The following SUCLG2 variants were observed in gnomAD, a reference collection of about 807,000 sequenced individuals.
SUCLG2 encodes succinate--CoA ligase [GDP-forming] subunit beta, mitochondrial.
A neutral mutation model predicts 47.9 loss-of-function variants in SUCLG2; 42 were observed. That is an observed-to-expected ratio of 0.88 (90% confidence interval 0.69 to 1.14). The LOEUF (loss-of-function observed/expected upper bound fraction) is 1.14. Ranked by LOEUF, SUCLG2 falls within the 50% of genes most tolerant of loss-of-function variation. SUCLG2 has a pLI of 0.00. For synonymous variants in SUCLG2, 195 were observed against 197.3 expected (o/e 0.99, Z 0.10); for missense variants, 571 against 525.9 (o/e 1.09, Z -0.84).
intron 9 of SUCLG2, among the ~76,000 whole-genome samples, chr3:67,433,186 C>T (rs1575692031): frequency 2.0e-5 from 3 of 152,138 alleles, no homozygotes; most frequent in African/African-American, 4.8e-5. Flanking sequence ...ATAAAAGCTA[C>T]CCCATAGAAC....
At chr3:67,621,964 C>T (rs79378111) in intron 1 of SUCLG2, among the ~76,000 whole-genome samples, 9,067 of 152,204 alleles carry the variant, frequency 0.06, 378 homozygotes, top group African/African-American at 0.12. Flanking sequence ...GGCCTTTGAT[C>T]TTATAACTTT....
chr3:67,455,192 A>C (rs1021021082), intron 9 of SUCLG2, among the ~76,000 whole-genome samples: 1 of 152,048 alleles, frequency 6.6e-6, no homozygotes, highest in Non-Finnish European at 1.5e-5. Context: ...ATTTTAGTCC[A>C]TTTGTCCCTG....
Position 67,582,871 on chromosome 3 carries a change from CA to C in SUCLG2, c.226+26583del, listed in dbSNP as rs376422919. 8.3e-3 allele frequency among the ~76,000 whole-genome samples: 1,255 copies of C among 151,488 alleles called. 21 individuals carry two copies. Among genetic ancestry groups the C allele is most frequent in the African/African-American group, 0.029 (1,214 of 41,318 alleles). ...GTGGAATGACATTCCCCTCCCCCACCAAAAAAAACACCTTTTATTACATCAC... is the reference window on the plus strand; with the variant it reads ...GTGGAATGACATTCCCCTCCCCCACCAAAAAAACACCTTTTATTACATCAC... On this transcript the variant is annotated intron_variant, in intron 2 of 10. Coordinates refer to ENST00000307227, the MANE Select transcript of SUCLG2 (RefSeq NM_003848.4).
chr3:67,608,252 G>A (rs1700459298), intron 2 of SUCLG2, among the ~76,000 whole-genome samples: 1 of 152,096 alleles, frequency 6.6e-6, no homozygotes, highest in Non-Finnish European at 1.5e-5. Flanking sequence ...GACTCACCCT[G>A]CAAAGGCTTC....
rs557874264 is a variant in SUCLG2 at position 67,458,612 on chromosome 3, T to C, written c.1062+37186A>G. Among the ~76,000 whole-genome samples the C allele has an allele frequency of 2.0e-5, 3 of 152,244 alleles. No individual in the cohort carries two copies. In the South Asian group the frequency reaches 6.2e-4, roughly 32 times the overall value. On this transcript the variant is annotated intron_variant, in intron 9 of 10. Transcript: ENST00000307227. The stretch of plus-strand genomic sequence containing the variant: ...ACTCTAAATGAGTAGCCGGTGCTTA[T>C]TGTTTATACAGTGGTTTTCAACACA...
At chr3:67,648,090 T>C (rs1222573046) in intron 1 of SUCLG2, among the ~76,000 whole-genome samples, 1 of 152,222 alleles carries the variant, frequency 6.6e-6, no homozygotes, top group Non-Finnish European at 1.5e-5. Context: ...GTCTTAAATA[T>C]CATCTTATTT....
At chr3:67,569,801 G>C (rs1707560752) in intron 2 of SUCLG2, among the ~76,000 whole-genome samples, 1 of 152,206 alleles carries the variant, frequency 6.6e-6, no homozygotes, top group Admixed American at 6.5e-5. Context: ...GCTGATGCTA[G>C]ATGGGTTAAG....
intron 2 of SUCLG2, among the ~76,000 whole-genome samples, chr3:67,594,035 C>T (rs890118116): frequency 3.3e-5 from 5 of 152,182 alleles, no homozygotes; most frequent in Admixed American, 1.3e-4. Flanking sequence ...GAAAACTATA[C>T]CCACACCTAG....
intron 2 of SUCLG2, among the ~76,000 whole-genome samples, chr3:67,578,759 T>C (rs969251277): frequency 2.6e-5 from 4 of 152,218 alleles, no homozygotes; most frequent in African/African-American, 7.2e-5. Context: ...GGAATTTATC[T>C]GCAGGCTTTT....
chr3:67,572,066 T>C (rs1162548626), intron 2 of SUCLG2, among the ~76,000 whole-genome samples: 2 of 152,238 alleles, frequency 1.3e-5, no homozygotes, highest in African/African-American at 2.4e-5. Flanking sequence ...AACTGCCAGG[T>C]AGGCAGCTCC....
chr3:67,375,745 C>T lies in SUCLG2; in HGVS notation c.1298G>A (p.Ter433=). The change falls in exon 11 of 11, where the codon TGA becomes TAA. Residue 433 remains the stop codon, a stop_retained_variant. Transcript: ENST00000307227. ...CTCCATTGGATCAGGACAAAGACAT[C>T]ACTTCTTGGCCACACTGGCCACAGC... ...KKAVASVAKK[*] 1 of 1,612,350 alleles carries T rather than the reference C, an allele frequency of 6.2e-7. No individual in the cohort carries two copies. Among genetic ancestry groups the T allele is most frequent in the Non-Finnish European group, 8.5e-7 (1 of 1,179,554 alleles).
At chr3:67,546,654 G>C (rs1706870738) in intron 2 of SUCLG2, among the ~76,000 whole-genome samples, 1 of 152,208 alleles carries the variant, frequency 6.6e-6, no homozygotes, top group South Asian at 2.1e-4. Flanking sequence ...AGAATAGCTG[G>C]AACCGGGGAG....
intron 10 of SUCLG2, among the ~76,000 whole-genome samples, chr3:67,398,466 A>T (rs997736166): frequency 1.3e-5 from 2 of 151,954 alleles, no homozygotes; most frequent in South Asian, 4.1e-4. Flanking sequence ...CAAAACCACA[A>T]TGAGATACCA....
Position 67,487,143 on chromosome 3 carries a change from C to T in SUCLG2, c.1062+8655G>A, listed in dbSNP as rs145543107. Among the ~76,000 whole-genome samples the T allele has an allele frequency of 9.9e-5, 15 of 151,916 alleles. No homozygotes were observed. In the East Asian group the frequency reaches 2.9e-3, roughly 29 times the overall value. On this transcript the variant is annotated intron_variant, in intron 9 of 10. Coordinates refer to ENST00000307227, the MANE Select transcript of SUCLG2 (RefSeq NM_003848.4). ...CTAGAGGAACATGCCACTTCTGATC[C>T]TAATATTCATCTTGCTTTAAACAGA...
At chr3:67,654,464 G>A in intron 1 of SUCLG2, 39 bp downstream of exon 1, 2 of 1,226,134 alleles carry the variant, frequency 1.6e-6, no homozygotes, top group Non-Finnish European at 2.0e-6. Context: ...GCAGGCCGGC[G>A]CCGCTGCTGG....
chr3:67,398,538 T>C (rs1169052724), intron 10 of SUCLG2, among the ~76,000 whole-genome samples: 1 of 151,794 alleles, frequency 6.6e-6, no homozygotes, highest in Non-Finnish European at 1.5e-5. Flanking sequence ...CTGGAGAGGA[T>C]GTGGAGAAAT....
At chr3:67,367,746 T>C (rs886482197) in intron 10 of SUCLG2, among the ~76,000 whole-genome samples, 5 of 152,172 alleles carry the variant, frequency 3.3e-5, no homozygotes, top group African/African-American at 1.2e-4. Context: ...AAATTGTCCT[T>C]AGTTGAGAGC....
chr3:67,572,170 C>T (rs1707631288), intron 2 of SUCLG2, among the ~76,000 whole-genome samples: 2 of 152,152 alleles, frequency 1.3e-5, no homozygotes, highest in African/African-American at 4.8e-5. Flanking sequence ...TATCTGAGAA[C>T]TAAAAAGGTT....
Position 67,527,765 on chromosome 3 carries a change from T to C in SUCLG2, c.417+367A>G, listed in dbSNP as rs78811837. Among the ~76,000 whole-genome samples the C allele has an allele frequency of 6.0e-3, 921 of 152,286 alleles. 9 individuals carry two copies. The highest frequency in any genetic ancestry group is 0.02 in the African/African-American group (842 of 41,554). ...AATAGGTAATTCTGACAGACACGCCTGGGGTTGAGGGCCACTGTGTGGGAG... is the reference window on the plus strand; with the variant it reads ...AATAGGTAATTCTGACAGACACGCCCGGGGTTGAGGGCCACTGTGTGGGAG... On this transcript the variant is annotated intron_variant, in intron 4 of 10. Transcript: ENST00000307227.
Sources: allele counts gnomAD v4.1 joint callset (sites outside exome capture counted in the v4.1 genomes callset), GRCh38; gene constraint gnomAD v4.1.1; transcripts MANE v1.5; gene names NCBI Gene and HGNC (gene_info 2026-07-23, HGNC 2026-07-21).